Variants in ACAD10 observed in about 807,000 individuals in gnomAD.
The protein encoded by ACAD10 is ACAD-10.
ACAD10 carries 112 observed loss-of-function variants against 116.8 expected under a neutral mutation model. The ratio of observed to expected loss-of-function variants is 0.96; its 90% CI spans 0.82 to 1.12. The LOEUF is 1.12. ACAD10 is among the 50% of genes most tolerant of loss of function. The pLI is 0.00. For synonymous variants in ACAD10, 486 were observed against 510.6 expected, an observed-to-expected ratio of 0.95 and a Z score of 0.65; for missense variants, 1,259 against 1,350.2, an observed-to-expected ratio of 0.93 and a Z score of 1.06.
intron 5 of ACAD10, 76 bp from the exon 6 acceptor site, chr12:111,712,422 T>G: frequency 7.3e-7 from 1 of 1,372,372 alleles, no homozygotes; most frequent in Non-Finnish European, 1.0e-6. Context: ...GTGTATATAT[T>G]CTCAACATCC....
rs773554910 is a variant in ACAD10, at chr12:111,753,900, C to A, written c.2946C>A (p.Asp982Glu). 1.2e-6 allele frequency: 2 copies of A among 1,606,698 alleles called. No individual in the cohort carries two copies. The highest frequency in any genetic ancestry group is 4.5e-5 in the East Asian group (2 of 44,668). ...LLVLRAAHLM[D>E]LAGNKAAALD... ...TGCTGAGAGCTGCCCACCTCATGGA[C>A]CTGGCAGGAAACAAGGTAGGGGCAG... Residue 982 changes from aspartate (D) to glutamate (E), a missense_variant, in exon 19 of 21, where the codon GAC becomes GAA. By Grantham distance (45) the Asp-to-Glu change is conservative. Coordinates refer to ENST00000313698, the MANE Select transcript of ACAD10 (RefSeq NM_025247.6).
chr12:111,752,763 C>A (rs1890109005), intron 18 of ACAD10: 1 of 151,358 alleles, frequency 6.6e-6, no homozygotes, highest in South Asian at 2.1e-4. Context: ...GGTGCTCTTA[C>A]TGTCTTCTCT....
chr12:111,705,617 C>T lies in ACAD10; in HGVS notation c.337-121C>T, dbSNP rs1039994044. 15 of 870,510 alleles carry T rather than the reference C, an allele frequency of 1.7e-5. No homozygotes were observed. In the Admixed American group the frequency reaches 2.1e-4, roughly 12 times the overall value. 53.9% of individuals were successfully genotyped at this position (870,510 alleles called of 1,614,324 possible). On this transcript the variant is annotated intron_variant, in intron 3 of 20. Transcript: ENST00000313698. ...GTTCCTGCAGGCAGCAAGCTATGAG[C>T]CTGGGCTCTTGTAGCAGAGAGCAGA...
chr12:111,749,557 G>GAC lies in ACAD10; in HGVS notation c.2817+213_2817+214dup, dbSNP rs1302150915. On this transcript the variant is annotated intron_variant, in intron 18 of 20. Transcript: ENST00000313698. ...AGAATGGACCCCACTCTGTCGAGGT[G>GAC]ACCTGAAGGGAAACGCCAGGCTCTG... The GAC allele has an allele frequency of 4.7e-6, 3 of 633,646 alleles. No homozygotes were observed. In the African/African-American group the frequency reaches 5.5e-5, roughly 12 times the overall value. The allele number at this position is 633,646 out of a possible 1,614,324, so 39.3% of individuals were successfully genotyped here.
At chr12:111,694,441 A>G (rs961945394) in intron 2 of ACAD10, among the ~76,000 whole-genome samples, 2 of 152,260 alleles carry the variant, frequency 1.3e-5, no homozygotes, top group East Asian at 3.9e-4. Flanking sequence ...GTGAGACCCT[A>G]TGGTGAGCTA....
At chr12:111,709,447 C>T in intron 4 of ACAD10, 79 bp from the exon 5 acceptor site, 8 of 1,245,036 alleles carry the variant, frequency 6.4e-6, no homozygotes, top group East Asian at 2.7e-5. Flanking sequence ...TATGCTTTTC[C>T]TCTCAAAAAG....
chr12:111,720,659 T>G (rs1356142083), intron 7 of ACAD10, among the ~76,000 whole-genome samples: 1 of 152,244 alleles, frequency 6.6e-6, no homozygotes, highest in Admixed American at 6.5e-5. Flanking sequence ...ATCCTTGTTT[T>G]TGCAGCCTAT....
chr12:111,729,195 T>A (rs1449809657), intron 9 of ACAD10, among the ~76,000 whole-genome samples: 1 of 152,168 alleles, frequency 6.6e-6, no homozygotes, highest in Non-Finnish European at 1.5e-5. Context: ...TAACCACTGT[T>A]GTTTAGCCAA....
chr12:111,727,915 C>A, intron 8 of ACAD10, 47 bp from the exon 9 acceptor site: 1 of 1,545,764 alleles, frequency 6.5e-7, no homozygotes, highest in Non-Finnish European at 8.8e-7. Context: ...TAACAGCCTG[C>A]CACATTATGA....
At position 111,707,204 on chromosome 12, in the gene ACAD10, C is replaced by T. The variant is rs533539816; in HGVS notation, c.531+1272C>T. Among the ~76,000 whole-genome samples, 4 of 152,138 alleles carry T rather than the reference C, an allele frequency of 2.6e-5. No homozygotes were observed. The South Asian group carries it at 8.3e-4, about 32-fold the overall frequency. ...TCCTGGGCTCAAGCAATTCTCGTGCCTCAGCCTCCTAGTAGCTGAGACTAC... is the reference window on the plus strand; with the variant it reads ...TCCTGGGCTCAAGCAATTCTCGTGCTTCAGCCTCCTAGTAGCTGAGACTAC... On this transcript the variant is annotated intron_variant, in intron 4 of 20. Transcript: ENST00000313698.
intron 5 of ACAD10, among the ~76,000 whole-genome samples, chr12:111,711,074 T>C (rs2135957143): frequency 6.6e-6 from 1 of 152,358 alleles, no homozygotes; most frequent in South Asian, 2.1e-4. Flanking sequence ...AATTTCCCTC[T>C]AAAGGACTAC....
intron 1 of ACAD10, among the ~76,000 whole-genome samples, chr12:111,689,604 C>G (rs893093111): frequency 2.0e-5 from 3 of 151,730 alleles, no homozygotes; most frequent in African/African-American, 4.8e-5. Context: ...CTCGAACTCT[C>G]GACCTCAGGT....
intron 6 of ACAD10, among the ~76,000 whole-genome samples, chr12:111,713,139 T>C (rs1566149248): frequency 6.6e-6 from 1 of 151,648 alleles, no homozygotes; most frequent in African/African-American, 2.4e-5. Flanking sequence ...GGTGAAACCC[T>C]GTCTCTACTA....
chr12:111,741,037 C>A (rs1889727229), intron 12 of ACAD10, among the ~76,000 whole-genome samples: 1 of 152,024 alleles, frequency 6.6e-6, no homozygotes, highest in African/African-American at 2.4e-5. Context: ...TGAGCCTCTA[C>A]TAAAAGCCAG....
At chr12:111,715,687 G>T (rs1888821968) in intron 6 of ACAD10, 134 bp from the exon 7 acceptor site, 4 of 1,207,368 alleles carry the variant, frequency 3.3e-6, no homozygotes, top group Non-Finnish European at 4.7e-6. Context: ...GCAGAGAAGA[G>T]GTACTTTTCT....
intron 2 of ACAD10, chr12:111,693,144 C>T (rs767500601): frequency 1.0e-4 from 51 of 502,032 alleles, no homozygotes; most frequent in Non-Finnish European, 1.5e-4. Context: ...TGGGATTTGG[C>T]GGAGAGTTAT....
At chr12:111,744,278 C>T (rs1593051110) in intron 12 of ACAD10, among the ~76,000 whole-genome samples, 1 of 151,936 alleles carries the variant, frequency 6.6e-6, no homozygotes, top group African/African-American at 2.4e-5. Flanking sequence ...TTCTTATAGC[C>T]CACTGGCAAC....
At chr12:111,743,171 T>C (rs183359278) in intron 12 of ACAD10, among the ~76,000 whole-genome samples, 2 of 152,302 alleles carry the variant, frequency 1.3e-5, no homozygotes, top group Non-Finnish European at 1.5e-5. Flanking sequence ...CATAGCAATC[T>C]GGATGTGTCT....
chr12:111,748,892 C>A, intron 17 of ACAD10: 1 of 1,031,402 alleles, frequency 9.7e-7, no homozygotes, highest in Non-Finnish European at 1.4e-6. Flanking sequence ...AGGATCACTA[C>A]ATTGTCACAA....
Sources: gnomAD v4.1 joint callset for allele counts (sites outside exome capture counted in the v4.1 genomes callset) on GRCh38, gnomAD v4.1.1 for gene constraint, MANE v1.5 for transcripts, NCBI Gene and HGNC (gene_info 2026-07-23, HGNC 2026-07-21) for gene names.